The following MYL5 variants were observed in gnomAD, a reference collection of about 807,000 sequenced individuals.
MYL5 encodes the protein myosin regulatory light chain 5.
Under a neutral mutation model 20.8 loss-of-function variants are expected in MYL5, and 28 were observed. That is an observed-to-expected ratio of 1.35 (90% CI 1.00 to 1.84). The LOEUF is 1.84. Ranked by LOEUF, MYL5 falls within the 40% of genes most tolerant of loss-of-function variation. MYL5 has a pLI of 0.00. For missense variants in MYL5, 274 were observed against 227.3 expected, an observed-to-expected ratio of 1.21 and a Z score of -1.32; for synonymous variants, 118 against 87.4, an observed-to-expected ratio of 1.35 and a Z score of -1.95.
chr4:677,799 A>C, upstream of MYL5: 2 of 646,432 alleles, frequency 3.1e-6, no homozygotes, highest in Admixed American at 2.5e-5. Flanking sequence ...GGCCAGAGGT[A>C]TCTGGGGAGG....
chr4:677,925 GTGGCAGCCGGAGTC>G, exon 1 of MYL5: 1 of 1,597,430 alleles, frequency 6.3e-7, no homozygotes, highest in South Asian at 1.1e-5. Context: ...CTTGTAGGGA[GTGGCAGCCGGAGTC>G]TGAACTGTCC....
chr4:681,471 C>A (rs138857123), intron 6 of MYL5, among the ~76,000 whole-genome samples: 3 of 148,788 alleles, frequency 2.0e-5, no homozygotes, highest in African/African-American at 7.5e-5. Context: ...CCAGCCCCAG[C>A]GGGCGAGACT....
chr4:682,027 G>A lies in MYL5; in HGVS notation c.*33G>A, dbSNP rs769741436. ...CCGGGTCAATAAACCTGGACGCTTG[G>A]ACCCTGCCTGCGAGTCTGCCGGGGC... On this transcript the variant is annotated 3_prime_UTR_variant, in exon 7 of 7. Coordinates refer to ENST00000400159, the Ensembl canonical transcript of MYL5. The A allele has an allele frequency of 4.2e-6, 6 of 1,431,628 alleles. No individual in the cohort carries two copies. The African/African-American group carries it at 4.4e-5, about 11-fold the overall frequency. The allele number at this position is 1,431,628 out of a possible 1,614,324, so 88.7% of individuals were successfully genotyped here.
upstream of MYL5, chr4:676,314 G>A (rs563248941): frequency 6.6e-6 from 1 of 152,478 alleles, no homozygotes; most frequent in Non-Finnish European, 1.5e-5. Flanking sequence ...CAAGGTAGGG[G>A]GTGAGGGGGA....
At position 678,778 on chromosome 4, in the gene MYL5, T is replaced by C. The variant is rs1389287868; in HGVS notation, c.111+13T>C. On this transcript the variant is annotated intron_variant, in intron 2 of 6. Coordinates refer to ENST00000400159, the Ensembl canonical transcript of MYL5. Reference sequence around the variant, plus strand: ...GGAGTTCAAGGAGGTGAGACTTTCCTGCTTCACTGGGAGCCCCCACCCCCA... The same window carrying C: ...GGAGTTCAAGGAGGTGAGACTTTCCCGCTTCACTGGGAGCCCCCACCCCCA... 4 of 1,608,202 alleles carry C rather than the reference T, an allele frequency of 2.5e-6. No homozygotes were observed. The highest frequency in any genetic ancestry group is 1.6e-4 in the Middle Eastern group (1 of 6,080).
upstream of MYL5, chr4:677,032 AC>A: frequency 6.4e-6 from 4 of 621,606 alleles, no homozygotes; most frequent in Non-Finnish European, 6.0e-6. Flanking sequence ...CCTTGCAGAC[AC>A]GGTGGCGCCC....
At chr4:680,569 G>A in exon 5 of MYL5, 2 of 1,613,442 alleles carry the variant, frequency 1.2e-6, no homozygotes, top group Non-Finnish European at 1.7e-6. Context: ...GACGGGAAAG[G>A]GAAAATCAAC....
intron 3 of MYL5, 121 bp downstream of exon 5, chr4:679,154 A>G (rs1465603226): frequency 2.4e-5 from 16 of 670,610 alleles, no homozygotes; most frequent in Admixed American, 6.1e-5. Flanking sequence ...GAGGCCCACC[A>G]ACGGCCCTGA....
chr4:681,252 G>C lies in MYL5; in HGVS notation c.420+112G>C. 5.5e-6 allele frequency: 7 copies of C among 1,283,558 alleles called. 1 individual carries two copies. In the Middle Eastern group the frequency reaches 1.0e-3, roughly 183 times the overall value. The allele number at this position is 1,283,558 out of a possible 1,614,324, so 79.5% of individuals were successfully genotyped here. A position where few individuals can be genotyped will look rare whatever the true frequency, so the allele number is the denominator to read the frequency against. ...GGAGCAGCGCCGCGGTTAGGACCCA[G>C]GACAGAACAGGCCCCCGGGGGGCTC... On this transcript the variant is annotated intron_variant, in intron 6 of 6. Coordinates refer to ENST00000400159, the Ensembl canonical transcript of MYL5.
At chr4:675,519 TG>T (rs1200434219), upstream of MYL5, 1 of 152,390 alleles carries the variant, frequency 6.6e-6, no homozygotes, top group Non-Finnish European at 1.5e-5. Context: ...CCTGGCGGCC[TG>T]GGCTACCTGT....
chr4:680,049 C>G (rs752301153), intron 4 of MYL5, 31 bp downstream of exon 6: 2 of 1,514,036 alleles, frequency 1.3e-6, no homozygotes, highest in Non-Finnish European at 1.8e-6. Flanking sequence ...CCTGGCCCTC[C>G]TAGCTAATTC....
chr4:675,398 C>G (rs527560209), upstream of MYL5: 1 of 152,594 alleles, frequency 6.6e-6, no homozygotes, highest in South Asian at 2.1e-4. Flanking sequence ...CCCCTCCTGG[C>G]CCTGCACTGC....
upstream of MYL5, chr4:677,022 C>G (rs1026715699): frequency 2.7e-6 from 2 of 752,770 alleles, no homozygotes; most frequent in Non-Finnish European, 3.2e-6. Context: ...GTCTTTTTAG[C>G]CTTGCAGACA....
At chr4:681,789 G>C (rs925422615) in intron 6 of MYL5, 104 bp from the exon 9 acceptor site, 3 of 1,205,350 alleles carry the variant, frequency 2.5e-6, no homozygotes, top group Non-Finnish European at 3.1e-6. Flanking sequence ...GCCCCTCCCC[G>C]CTCCCCCTCC....
At chr4:678,108 A>G in intron 1 of MYL5, 79 bp downstream of exon 3, 12 of 1,591,388 alleles carry the variant, frequency 7.5e-6, no homozygotes, top group Non-Finnish European at 9.4e-6. Context: ...CGCACAGACG[A>G]GCGTGGGCGT....
chr4:678,021 G>A, exon 1 of MYL5: 2 of 1,613,472 alleles, frequency 1.2e-6, no homozygotes, highest in Admixed American at 1.7e-5. Flanking sequence ...GCAGGCAGAA[G>A]CAGGCATGGT....
rs1409592883 is a variant in MYL5 at position 681,615 on chromosome 4, GCGCCGCCCCGCCCCCTC to G, written c.421-276_421-260del. Among the ~76,000 whole-genome samples, 174 of 33,086 alleles carry G rather than the reference GCGCCGCCCCGCCCCCTC, an allele frequency of 5.3e-3. 17 individuals are homozygous for G. The highest frequency in any genetic ancestry group is 0.011 in the Middle Eastern group (1 of 90). 21.7% of individuals were successfully genotyped at this position (33,086 alleles called of 152,430 possible). On this transcript the variant is annotated intron_variant, in intron 6 of 6. Transcript: ENST00000400159. Reference sequence around the variant, plus strand: ...AGCCGCCGCCGCCCCGCCCCCTCCAGCGCCGCCCCGCCCCCTCCAGCGCCGCCCCGCCCCCTCCAGCG... The same window carrying G: ...AGCCGCCGCCGCCCCGCCCCCTCCAGCAGCGCCGCCCCGCCCCCTCCAGCG...
rs746865065 is a variant in MYL5 at position 680,594 on chromosome 4, G to C, written c.371+7G>C. 2.1e-4 allele frequency: 344 copies of C among 1,611,760 alleles called. 1 individual carries two copies. The South Asian group carries it at 2.8e-3, about 13-fold the overall frequency. ...GGAAAATCAACAAGGAGTAGTGAGT[G>C]CCCGGGCGGCCAGGGCGGCCCGGCT... On this transcript the variant is annotated splice_region_variant and intron_variant, in intron 5 of 6. Transcript: ENST00000400159.
intron 6 of MYL5, 53 bp from the exon 9 acceptor site, chr4:681,840 G>T (rs1739713245): frequency 1.5e-6 from 2 of 1,293,886 alleles, no homozygotes; most frequent in East Asian, 2.9e-5. Context: ...GCAGGTGCGC[G>T]CTTGTAATTC....
Sources: allele counts gnomAD v4.1 joint callset (sites outside exome capture counted in the v4.1 genomes callset), GRCh38; gene constraint gnomAD v4.1.1; transcripts MANE v1.5; gene names NCBI Gene and HGNC (gene_info 2026-07-23, HGNC 2026-07-21).